The following ZNF675 variants were observed in gnomAD, a reference collection of about 807,000 sequenced individuals.
ZNF675 encodes zinc finger protein 675.
In ZNF675, 36 loss-of-function variants were observed where a neutral mutation model predicts 56.1. The ratio of observed to expected loss-of-function variants is 0.64; its 90% confidence interval spans 0.49 to 0.85. The LOEUF (loss-of-function observed/expected upper bound fraction) is 0.85. Ranked by LOEUF, ZNF675 falls within the 40% of genes least tolerant of loss-of-function variation. ZNF675 has a pLI of 0.00. For synonymous variants in ZNF675, 200 were observed against 218.9 expected (o/e 0.91, Z 0.76); for missense variants, 663 against 654.2 (o/e 1.01, Z -0.15).
chr19:23,676,946 C>T (rs1285538582), intron 1 of ZNF675, among the ~76,000 whole-genome samples: 5 of 150,590 alleles, frequency 3.3e-5, no homozygotes, highest in Admixed American at 6.6e-5. Context: ...TGGTGGCGGG[C>T]GCCTGTAGTC....
At chr19:23,667,232 A>T (rs1599416097) in intron 1 of ZNF675, among the ~76,000 whole-genome samples, 1 of 152,124 alleles carries the variant, frequency 6.6e-6, no homozygotes, top group Admixed American at 6.5e-5. Flanking sequence ...CACTGGCTTC[A>T]GGAGTGAAGC....
chr19:23,656,641 C>T (rs970793129), intron 3 of ZNF675: 2 of 152,046 alleles, frequency 1.3e-5, no homozygotes, highest in African/African-American at 2.4e-5. Flanking sequence ...CACACACACA[C>T]ACACACACAC....
intron 1 of ZNF675, among the ~76,000 whole-genome samples, chr19:23,663,920 T>G (rs1968115863): frequency 6.6e-6 from 1 of 152,204 alleles, no homozygotes; most frequent in Non-Finnish European, 1.5e-5. Flanking sequence ...CCTTTGCATG[T>G]TCAATAGCCA....
Position 23,669,600 on chromosome 19 carries a change from G to A in ZNF675, c.4-6442C>T, listed in dbSNP as rs117450124. On this transcript the variant is annotated intron_variant, in intron 1 of 3. Coordinates refer to ENST00000359788, the MANE Select transcript of ZNF675 (RefSeq NM_138330.3). ...TAAAAAAGCTCATAGTAGTCCGGGC[G>A]TGGTGGCTCATGCCTGTAATCCCAG... Among the ~76,000 whole-genome samples, 480 of 152,158 alleles carry A rather than the reference G, an allele frequency of 3.2e-3. 23 individuals carry two copies. The East Asian group carries it at 0.08, about 25-fold the overall frequency.
At chr19:23,673,515 T>C (rs1968252025) in intron 1 of ZNF675, among the ~76,000 whole-genome samples, 1 of 152,226 alleles carries the variant, frequency 6.6e-6, no homozygotes, top group African/African-American at 2.4e-5. Context: ...CCTGCATATT[T>C]AGGCGACAGC....
At chr19:23,670,084 CTCT>C (rs1043246187) in intron 1 of ZNF675, among the ~76,000 whole-genome samples, 1 of 151,990 alleles carries the variant, frequency 6.6e-6, no homozygotes, top group Non-Finnish European at 1.5e-5. Context: ...TTGCAAAGTC[CTCT>C]TCTTTTTTCT....
intron 1 of ZNF675, among the ~76,000 whole-genome samples, chr19:23,684,710 T>C (rs1968421529): frequency 6.6e-6 from 1 of 152,094 alleles, no homozygotes; most frequent in South Asian, 2.1e-4. Flanking sequence ...ACTTGAGAGA[T>C]TCTCCCACCC....
intron 3 of ZNF675, among the ~76,000 whole-genome samples, chr19:23,657,535 G>A (rs907201486): frequency 6.6e-6 from 1 of 152,134 alleles, no homozygotes; most frequent in Non-Finnish European, 1.5e-5. Flanking sequence ...TGACCACATG[G>A]AGAAACCTCG....
chr19:23,667,412 C>G (rs1459751712), intron 1 of ZNF675, among the ~76,000 whole-genome samples: 5 of 152,140 alleles, frequency 3.3e-5, no homozygotes, highest in African/African-American at 1.2e-4. Flanking sequence ...ATTGTCTTAC[C>G]TGGCCCCACC....
At chr19:23,679,993 C>CA (rs1298799305) in intron 1 of ZNF675, among the ~76,000 whole-genome samples, 2 of 148,490 alleles carry the variant, frequency 1.3e-5, no homozygotes, top group Non-Finnish European at 3.0e-5. Flanking sequence ...TCCGTACCCC[C>CA]CCCCAAAAAA....
intron 3 of ZNF675, chr19:23,661,861 G>A: frequency 2.8e-6 from 1 of 358,958 alleles, no homozygotes; most frequent in Non-Finnish European, 5.1e-6. Context: ...TCTCTTGTAT[G>A]CCATGAAGCG....
At chr19:23,668,175 G>C (rs1474959613) in intron 1 of ZNF675, among the ~76,000 whole-genome samples, 1 of 151,142 alleles carries the variant, frequency 6.6e-6, no homozygotes, top group Non-Finnish European at 1.5e-5. Context: ...TACAAACCTT[G>C]AGCTAGATAC....
chr19:23,659,947 C>T (rs961821196), intron 3 of ZNF675, among the ~76,000 whole-genome samples: 1 of 152,168 alleles, frequency 6.6e-6, no homozygotes, highest in Non-Finnish European at 1.5e-5. Flanking sequence ...CAGAAACCCA[C>T]ACAGTGACCT....
intron 1 of ZNF675, among the ~76,000 whole-genome samples, chr19:23,663,510 T>G (rs149238778): frequency 1.7e-3 from 254 of 152,162 alleles, no homozygotes; most frequent in African/African-American, 5.8e-3. Context: ...CTGACCAACA[T>G]GGAGAAACCC....
intron 1 of ZNF675, 53 bp downstream of exon 1, chr19:23,686,977 CG>C (rs1968451328): frequency 1.2e-6 from 2 of 1,611,320 alleles, no homozygotes; most frequent in Non-Finnish European, 1.7e-6. Context: ...CCATTTCCCA[CG>C]GGTTCCAACC....
At chr19:23,665,569 C>A (rs994675983) in intron 1 of ZNF675, among the ~76,000 whole-genome samples, 5 of 151,796 alleles carry the variant, frequency 3.3e-5, no homozygotes, top group African/African-American at 9.7e-5. Context: ...GATCTCGACT[C>A]ACTGCAACCT....
intron 1 of ZNF675, among the ~76,000 whole-genome samples, chr19:23,665,164 G>A (rs1968133265): frequency 1.3e-5 from 2 of 151,842 alleles, no homozygotes; most frequent in South Asian, 4.2e-4. Context: ...GGCCAACATG[G>A]TGAAACCCCA....
At chr19:23,686,653 C>T (rs1283514380) in intron 1 of ZNF675, among the ~76,000 whole-genome samples, 4 of 152,106 alleles carry the variant, frequency 2.6e-5, no homozygotes, top group African/African-American at 9.7e-5. Flanking sequence ...TAGGAGAAAA[C>T]AGGAACTGGG....
chr19:23,676,011 AC>A (rs1968290261), intron 1 of ZNF675, among the ~76,000 whole-genome samples: 4 of 151,228 alleles, frequency 2.6e-5, no homozygotes, highest in African/African-American at 4.9e-5. Context: ...ATTAGTAATG[AC>A]AAATGGACAT....
Sources: allele counts gnomAD v4.1 joint callset (sites outside exome capture counted in the v4.1 genomes callset), GRCh38; gene constraint gnomAD v4.1.1; transcripts MANE v1.5; gene names NCBI Gene and HGNC (gene_info 2026-07-23, HGNC 2026-07-21).